The following ARSJ variants were observed in gnomAD, a reference collection of about 807,000 sequenced individuals.
ARSJ encodes the protein arylsulfatase family member J, also known as arylsulfatase J.
A neutral mutation model predicts 35.9 loss-of-function variants in ARSJ; 26 were observed. The ratio of observed to expected loss-of-function variants is 0.72; its 90% confidence interval spans 0.53 to 1.00. The LOEUF is 1.00. Among genes scored for constraint, ARSJ ranks in the 50% least tolerant of loss-of-function variants. ARSJ has a pLI of 0.00. For missense variants in ARSJ, 667 were observed against 723.6 expected (o/e 0.92, Z 0.90); for synonymous variants, 294 against 267.6 (o/e 1.10, Z -0.96).
chr4:113,908,586 C>CTT (rs34851150), intron 1 of ARSJ, among the ~76,000 whole-genome samples: 116,982 of 151,894 alleles, frequency 0.77, 45,148 homozygotes, highest in East Asian at 0.81. Flanking sequence ...TGTAATTAAT[C>CTT]TATATAAAGG....
At chr4:113,919,831 A>G (rs968170445) in intron 1 of ARSJ, among the ~76,000 whole-genome samples, 1 of 152,206 alleles carries the variant, frequency 6.6e-6, no homozygotes, top group Non-Finnish European at 1.5e-5. Flanking sequence ...GGAACCTGAA[A>G]GATGCGTAAA....
At position 113,974,003 on chromosome 4, in the gene ARSJ, T is replaced by C. The variant is rs75074374; in HGVS notation, c.398+4434A>G. Among the ~76,000 whole-genome samples the C allele has an allele frequency of 1.0e-2, 1,518 of 152,290 alleles. 28 individuals are homozygous for C. The highest frequency in any genetic ancestry group is 0.035 in the African/African-American group (1,452 of 41,554). ...GAAACAGATCAAACATGTGCATTCA[T>C]CTGATTTATGAAAAGGTGATGCTGC... On this transcript the variant is annotated intron_variant, in intron 1 of 1. Transcript: ENST00000315366.
In ARSJ at chr4:113,978,921, A is replaced by T; in HGVS notation, c.-87T>A. On this transcript the variant is annotated 5_prime_UTR_variant, in exon 1 of 2. Transcript: ENST00000315366. ...CACACATGCACCCAACAGACGGTGAAGACTCTCCACCTGGCAAGAAATCCT... is the reference window on the plus strand; with the variant it reads ...CACACATGCACCCAACAGACGGTGATGACTCTCCACCTGGCAAGAAATCCT... 1 of 1,394,328 alleles carries T rather than the reference A, an allele frequency of 7.2e-7. No individual in the cohort carries two copies. The highest frequency in any genetic ancestry group is 9.7e-7 in the Non-Finnish European group (1 of 1,032,898). 86.4% of individuals were successfully genotyped at this position (1,394,328 alleles called of 1,614,324 possible).
rs75191794 is a variant in ARSJ at position 113,915,009 on chromosome 4, C to T, written c.399-11334G>A. On this transcript the variant is annotated intron_variant, in intron 1 of 1. Coordinates refer to ENST00000315366, the MANE Select transcript of ARSJ (RefSeq NM_024590.4). ...AATAAAGAGAATTATTGAGTAAACA[C>T]TGCATTAATTTGGTATGACCAGACT... Among the ~76,000 whole-genome samples the T allele has an allele frequency of 6.8e-3, 1,029 of 152,278 alleles. 5 individuals are homozygous for T. Among genetic ancestry groups the T allele is most frequent in the Non-Finnish European group, 0.011 (734 of 68,014 alleles).
At chr4:113,919,978 G>A (rs915023312) in intron 1 of ARSJ, among the ~76,000 whole-genome samples, 5 of 151,202 alleles carry the variant, frequency 3.3e-5, no homozygotes, top group Admixed American at 2.6e-4. Flanking sequence ...CTAGAAACAA[G>A]CTGCTTCTAT....
chr4:113,979,628 CGGCGCA>C lies in ARSJ; in HGVS notation c.-800_-795del, dbSNP rs1303624430. ...TTGGTCTTTGCGTAGTTGGCGCACC[CGGCGCA>C]GGCGCTGCAAACTGCGTGCGTTTTC... On this transcript the variant is annotated 5_prime_UTR_variant, in exon 1 of 2. Coordinates refer to ENST00000315366, the MANE Select transcript of ARSJ (RefSeq NM_024590.4). 1 of 152,358 alleles carries C rather than the reference CGGCGCA, an allele frequency of 6.6e-6. No individual in the cohort carries two copies. Among genetic ancestry groups the C allele is most frequent in the Non-Finnish European group, 1.5e-5 (1 of 68,108 alleles). The allele number at this position is 152,358 out of a possible 1,614,324, so 9.4% of individuals were successfully genotyped here. A position where few individuals can be genotyped will look rare whatever the true frequency, so the allele number is the denominator to read the frequency against.
chr4:113,932,065 T>C (rs553778156), intron 1 of ARSJ, among the ~76,000 whole-genome samples: 11 of 152,224 alleles, frequency 7.2e-5, no homozygotes, highest in African/African-American at 2.2e-4. Flanking sequence ...ATACTTTCTA[T>C]ACTTATATCA....
chr4:113,938,192 A>G (rs1236739070), intron 1 of ARSJ, among the ~76,000 whole-genome samples: 2 of 152,112 alleles, frequency 1.3e-5, no homozygotes, highest in Admixed American at 6.6e-5. Context: ...AAACAGACAC[A>G]TAGACCAATG....
intron 1 of ARSJ, among the ~76,000 whole-genome samples, chr4:113,959,266 T>C (rs2149279576): frequency 6.6e-6 from 1 of 152,160 alleles, no homozygotes; most frequent in East Asian, 1.9e-4. Flanking sequence ...CAGTTCAGTG[T>C]TCTGTCCCAT....
At chr4:113,930,250 A>C (rs1449207707) in intron 1 of ARSJ, among the ~76,000 whole-genome samples, 2 of 152,114 alleles carry the variant, frequency 1.3e-5, no homozygotes, top group Non-Finnish European at 2.9e-5. Context: ...AAGGAGAGCC[A>C]GTCAGAGTCC....
Position 113,927,301 on chromosome 4 carries a change from T to C in ARSJ, c.399-23626A>G, listed in dbSNP as rs559799433. 1.3e-4 allele frequency among the ~76,000 whole-genome samples: 20 copies of C among 152,190 alleles called. 1 individual carries two copies. Among genetic ancestry groups the C allele is most frequent in the African/African-American group, 3.6e-4 (15 of 41,540 alleles). The stretch of plus-strand genomic sequence containing the variant: ...ATAGAAATTTTACTGAGGTAGAAGG[T>C]CCCTGAATTTTAGTTGGATTTATTT... On this transcript the variant is annotated intron_variant, in intron 1 of 1. Coordinates refer to ENST00000315366, the MANE Select transcript of ARSJ (RefSeq NM_024590.4).
chr4:113,961,423 C>T (rs151137532), intron 1 of ARSJ, among the ~76,000 whole-genome samples: 31 of 152,138 alleles, frequency 2.0e-4, no homozygotes, highest in African/African-American at 7.0e-4. Context: ...GGAGGTTGGA[C>T]GTTTTGATTT....
chr4:113,910,373 T>TA (rs1481043187), intron 1 of ARSJ, among the ~76,000 whole-genome samples: 1 of 152,200 alleles, frequency 6.6e-6, no homozygotes, highest in African/African-American at 2.4e-5. Flanking sequence ...GTAAGTGGGA[T>TA]AAAATATGAA....
At position 113,902,836 on chromosome 4, in the gene ARSJ, G is replaced by A. The variant is rs1184525357; in HGVS notation, c.1238C>T (p.Ser413Leu). ...IWETISEGLR[S>L]PRVDILHNID... is the part of the protein sequence containing the mutation. ...GTTATGCAAAATATCTACTCGGGGT[G>A]AGCGAAGACCCTCACTTATGGTCTC... is the stretch of plus-strand genomic sequence containing the variant. Residue 413 changes from serine (S) to leucine (L), a missense_variant, in exon 2 of 2, where the codon TCA becomes TTA. Transcript: ENST00000315366. 6.2e-7 allele frequency: 1 copy of A among 1,613,994 alleles called. No homozygotes were observed. Among genetic ancestry groups the A allele is most frequent in the Non-Finnish European group, 8.5e-7 (1 of 1,180,030 alleles).
At chr4:113,937,071 G>A (rs1327312329) in intron 1 of ARSJ, among the ~76,000 whole-genome samples, 1 of 151,898 alleles carries the variant, frequency 6.6e-6, no homozygotes, top group Non-Finnish European at 1.5e-5. Flanking sequence ...ATAAATAACT[G>A]TGTTCACTCA....
intron 1 of ARSJ, among the ~76,000 whole-genome samples, chr4:113,914,637 C>T (rs908002372): frequency 1.5e-4 from 23 of 152,156 alleles, no homozygotes; most frequent in Admixed American, 5.9e-4. Flanking sequence ...ATATCAGTGT[C>T]TTAGCTGCAA....
At chr4:113,956,461 A>G (rs996259077) in intron 1 of ARSJ, among the ~76,000 whole-genome samples, 2 of 152,054 alleles carry the variant, frequency 1.3e-5, no homozygotes, top group African/African-American at 4.8e-5. Context: ...TTTACTGGCC[A>G]TTTACTATGT....
In ARSJ at chr4:113,959,548, T is replaced by G. The variant is rs559909505; in HGVS notation, c.398+18889A>C. Among the ~76,000 whole-genome samples the G allele has an allele frequency of 2.6e-5, 4 of 152,204 alleles. No individual in the cohort carries two copies. The South Asian group carries it at 8.3e-4, about 32-fold the overall frequency. ...AAGAGAGAACCAGCACTTCCCTGTT[T>G]TCATGTCTTATCTTTTCTGAATTTG... On this transcript the variant is annotated intron_variant, in intron 1 of 1. Transcript: ENST00000315366.
At position 113,902,845 on chromosome 4, in the gene ARSJ, C is replaced by A; in HGVS notation, c.1229G>T (p.Gly410Val). 1.9e-6 allele frequency: 3 copies of A among 1,614,134 alleles called. No individual in the cohort carries two copies. The highest frequency in any genetic ancestry group is 2.5e-6 in the Non-Finnish European group (3 of 1,180,024). Residue 410 changes from glycine (G) to valine (V), a missense_variant, in exon 2 of 2, where the codon GGT becomes GTT. Gly to Val is a moderately radical substitution (Grantham distance 109). Transcript: ENST00000315366. Reference sequence around the variant, plus strand: ...AATATCTACTCGGGGTGAGCGAAGACCCTCACTTATGGTCTCCCAGATATC... The same window carrying A: ...AATATCTACTCGGGGTGAGCGAAGAACCTCACTTATGGTCTCCCAGATATC... ...GYDIWETISEGLRSPRVDILH... is the reference protein window; with the variant it reads ...GYDIWETISEVLRSPRVDILH...
Sources: allele counts gnomAD v4.1 joint callset (sites outside exome capture counted in the v4.1 genomes callset), GRCh38; gene constraint gnomAD v4.1.1; transcripts MANE v1.5; gene names NCBI Gene and HGNC (gene_info 2026-07-23, HGNC 2026-07-21).